Variants in POP5 observed in about 807,000 individuals in gnomAD.
The protein encoded by POP5 is POP5 ribonuclease P/MRP subunit.
In POP5, 18 loss-of-function variants were observed where a neutral mutation model predicts 20.7. The ratio of observed to expected loss-of-function variants is 0.87; its 90% CI spans 0.60 to 1.29. The LOEUF is 1.29. Ranked by LOEUF, POP5 falls within the 50% of genes most tolerant of loss-of-function variation. The pLI is 0.00. For missense variants in POP5, 200 were observed against 203.2 expected, an observed-to-expected ratio of 0.98 and a Z score of 0.10; for synonymous variants, 91 against 78.0, an observed-to-expected ratio of 1.17 and a Z score of -0.88.
Position 120,578,976 on chromosome 12 carries a change from TAG to T in POP5, c.*340_*341del. ...TCAGTCTTCCCACCAAGGCTAGGGA[TAG>T]AGAGAGAACAGAGACTTGGCCAAGC... On this transcript the variant is annotated 3_prime_UTR_variant, in exon 5 of 5. Transcript: ENST00000357500. 3.3e-6 allele frequency: 1 copy of T among 302,718 alleles called. No individual in the cohort carries two copies. Among genetic ancestry groups the T allele is most frequent in the Non-Finnish European group, 6.3e-6 (1 of 158,398 alleles). The allele number at this position is 302,718 out of a possible 1,614,324, so 18.8% of individuals were successfully genotyped here.
chr12:120,579,464 C>T (rs745630462), intron 4 of POP5, 50 bp downstream of exon 4: 5 of 1,607,082 alleles, frequency 3.1e-6, no homozygotes, highest in South Asian at 1.1e-5. Context: ...GTGATTTCTT[C>T]AGCTTAAGGT....
In POP5 at chr12:120,579,824, T is replaced by C. The variant is rs1285055600; in HGVS notation, c.263A>G (p.Glu88Gly). The change falls in exon 3 of 5, where the codon GAG (glutamate) becomes GGG (glycine). Residue 88 changes from glutamate to glycine, a missense_variant. Physicochemically the swap from Glu to Gly is moderately conservative, Grantham distance 98. Transcript: ENST00000357500. ...WSALPFITYL[E>G]NKGHRYPCFF... ...GCATGGGTAACGGTGTCCTTTGTTC[T>C]CCAAGTATGTGATGAAGGGAAGAGC... is the stretch of plus-strand genomic sequence containing the variant. 2 of 1,608,188 alleles carry C rather than the reference T, an allele frequency of 1.2e-6. No individual in the cohort carries two copies. Among genetic ancestry groups the C allele is most frequent in the Non-Finnish European group, 1.7e-6 (2 of 1,174,584 alleles).
chr12:120,581,143 G>C lies in POP5; in HGVS notation c.135C>G (p.Gly45=). 6.2e-7 allele frequency: 1 copy of C among 1,612,948 alleles called. No individual in the cohort carries two copies. The highest frequency in any genetic ancestry group is 8.5e-7 in the Non-Finnish European group (1 of 1,180,016). Residue 45 remains glycine (G), a synonymous_variant, in exon 2 of 5, where the codon GGC becomes GGG. Transcript: ENST00000357500. ...DTIARVHGTF[G]AAACSIGFAV... Reference sequence around the variant, plus strand: ...CGAAGCCGATGGAGCAGGCGGCTGCGCCGAAAGTTCCGTGCACCCTGGCGA... The same window carrying C: ...CGAAGCCGATGGAGCAGGCGGCTGCCCCGAAAGTTCCGTGCACCCTGGCGA...
chr12:120,581,114 CCCG>C lies in POP5; in HGVS notation c.161_163del (p.Ala54del). The stretch of plus-strand genomic sequence containing the variant: ...CCCCTCTTCCCCCAGCGCCCTTGCA[CCCG>C]CGAAGCCGATGGAGCAGGCGGCTGC... On this transcript the variant is annotated inframe_deletion and splice_region_variant, in exon 2 of 5. Transcript: ENST00000357500. The C allele has an allele frequency of 6.2e-7, 1 of 1,610,016 alleles. No individual in the cohort carries two copies. Among genetic ancestry groups the C allele is most frequent in the Non-Finnish European group, 8.5e-7 (1 of 1,179,794 alleles).
intron 4 of POP5, 27 bp downstream of exon 4, chr12:120,579,487 A>T (rs1877741182): frequency 1.2e-6 from 2 of 1,609,478 alleles, no homozygotes; most frequent in African/African-American, 1.3e-5. Context: ...GTCACTGCTC[A>T]GTGGGCACTG....
chr12:120,580,836 T>C (rs1438065716), intron 2 of POP5: 1 of 505,216 alleles, frequency 2.0e-6, no homozygotes, highest in Non-Finnish European at 3.5e-6. Flanking sequence ...CATTTAATTC[T>C]CTACCCTATC....
chr12:120,581,077 T>C (rs1295614771), intron 2 of POP5, 38 bp downstream of exon 2: 6 of 1,599,306 alleles, frequency 3.8e-6, no homozygotes, highest in Non-Finnish European at 5.1e-6. Flanking sequence ...CATCCCGCCA[T>C]CCTCCCGGGT....
chr12:120,579,313 G>A lies in POP5; in HGVS notation c.*5C>T. On this transcript the variant is annotated 3_prime_UTR_variant, in exon 5 of 5. Coordinates refer to ENST00000357500, the MANE Select transcript of POP5 (RefSeq NM_015918.4). ...AGTGTAGCCAGCTGTGTGGGGAGCA[G>A]AGGTTCACTCCATTGCTTCTGCAGC... 2 of 1,612,630 alleles carry A rather than the reference G, an allele frequency of 1.2e-6. No homozygotes were observed. Among genetic ancestry groups the A allele is most frequent in the Non-Finnish European group, 1.7e-6 (2 of 1,178,700 alleles).
intron 2 of POP5, 171 bp downstream of exon 2, chr12:120,580,932 CCTCCTTTTAGCG>C: frequency 1.1e-6 from 1 of 935,760 alleles, no homozygotes; most frequent in South Asian, 1.7e-5. Context: ...CCTTCGGGCC[CCTCCTTTTAGCG>C]CTCTGCTAAT....
chr12:120,580,208 C>G (rs1877791103), intron 2 of POP5: 3 of 304,342 alleles, frequency 9.9e-6, no homozygotes, highest in East Asian at 1.6e-4. Flanking sequence ...CGCTGCTGCA[C>G]TCCAGCAGCC....
At chr12:120,580,241 G>T in intron 2 of POP5, 1 of 248,524 alleles carries the variant, frequency 4.0e-6, no homozygotes, top group South Asian at 5.6e-5. Context: ...AGACTGTCTC[G>T]AAAAAAGGAA....
intron 2 of POP5, 106 bp downstream of exon 2, chr12:120,581,009 G>C (rs1877834412): frequency 6.7e-7 from 1 of 1,488,758 alleles, no homozygotes; most frequent in Non-Finnish European, 9.0e-7. Context: ...ACAAAAAACG[G>C]TGCACGGGCT....
At position 120,578,943 on chromosome 12, in the gene POP5, A is replaced by G. The variant is rs1877689678; in HGVS notation, c.*375T>C. ...AAAAAAAAAGTTTAACTAGTACCACATAGGGAGTCAGTCTTCCCACCAAGG... is the reference window on the plus strand; with the variant it reads ...AAAAAAAAAGTTTAACTAGTACCACGTAGGGAGTCAGTCTTCCCACCAAGG... On this transcript the variant is annotated 3_prime_UTR_variant, in exon 5 of 5. Transcript: ENST00000357500. 1.6e-5 allele frequency: 4 copies of G among 247,564 alleles called. No individual in the cohort carries two copies. Among genetic ancestry groups the G allele is most frequent in the Non-Finnish European group, 3.2e-5 (4 of 125,946 alleles). The allele number at this position is 247,564 out of a possible 1,614,324, so 15.3% of individuals were successfully genotyped here.
At position 120,579,615 on chromosome 12, in the gene POP5, G is replaced by C; in HGVS notation, c.314-18C>G. 1 of 1,602,166 alleles carries C rather than the reference G, an allele frequency of 6.2e-7. No homozygotes were observed. The highest frequency in any genetic ancestry group is 2.2e-5 in the East Asian group (1 of 44,820). ...TATTGTACCTGGCATATGAGTTACT[G>C]TGGTCAACAGCTTGTGAAAGATCTC... On this transcript the variant is annotated intron_variant, in intron 3 of 4. Transcript: ENST00000357500.
rs528519288 is a variant in POP5 at position 120,581,383 on chromosome 12, G to T, written c.-21C>A. The T allele has an allele frequency of 1.1e-5, 18 of 1,608,202 alleles. No homozygotes were observed. In the South Asian group the frequency reaches 1.7e-4, roughly 15 times the overall value. On this transcript the variant is annotated 5_prime_UTR_variant, in exon 1 of 5. Coordinates refer to ENST00000357500, the MANE Select transcript of POP5 (RefSeq NM_015918.4). ...ACCATGGCTGCCTCCGCGCTCTCCG[G>T]TCCGGCGTGCAAACCGGATGTGAAT...
rs140784734 is a variant in POP5 at position 120,579,530 on chromosome 12, C to G, written c.381G>C (p.Gln127His). ...YNRRQLLILLQNCTDEGEREA... is the reference protein window; with the variant it reads ...YNRRQLLILLHNCTDEGEREA... ...GTTGCTTACCTTCATCAGTGCAGTT[C>G]TGCAACAAGATCAACAGCTGTCTCC... The change falls in exon 4 of 5, where the codon CAG (glutamine) becomes CAC (histidine). Residue 127 changes from glutamine to histidine, a missense_variant. Gln to His is a conservative substitution (Grantham distance 24). Transcript: ENST00000357500. 1.5e-5 allele frequency: 25 copies of G among 1,614,064 alleles called. No individual in the cohort carries two copies. Among genetic ancestry groups the G allele is most frequent in the African/African-American group, 1.1e-4 (8 of 75,034 alleles).
chr12:120,581,143 G>T lies in POP5; in HGVS notation c.135C>A (p.Gly45=), dbSNP rs781476565. 1.2e-6 allele frequency: 2 copies of T among 1,612,948 alleles called. No homozygotes were observed. The highest frequency in any genetic ancestry group is 1.7e-6 in the Non-Finnish European group (2 of 1,180,016). ...DTIARVHGTF[G]AAACSIGFAV... is the part of the protein sequence containing the mutation. Reference sequence around the variant, plus strand: ...CGAAGCCGATGGAGCAGGCGGCTGCGCCGAAAGTTCCGTGCACCCTGGCGA... The same window carrying T: ...CGAAGCCGATGGAGCAGGCGGCTGCTCCGAAAGTTCCGTGCACCCTGGCGA... Residue 45 remains glycine, a synonymous_variant, in exon 2 of 5, where the codon GGC becomes GGA. Coordinates refer to ENST00000357500, the MANE Select transcript of POP5 (RefSeq NM_015918.4).
Position 120,581,204 on chromosome 12 carries a change from T to C in POP5, c.74A>G (p.Asp25Gly), listed in dbSNP as rs1384268744. ...SDDPRCRLSL[D>G]DRVLSSLVRD... is the part of the protein sequence containing the mutation. ...TACGAGGCTGCTCAGAACTCGGTCA[T>C]CGAGGCTTAGGCGGCAGCGGGGGTC... The change falls in exon 2 of 5, where the codon GAT (aspartate) becomes GGT (glycine). Residue 25 changes from aspartate (D) to glycine (G), a missense_variant. Asp to Gly is a moderately conservative substitution (Grantham distance 94). Coordinates refer to ENST00000357500, the MANE Select transcript of POP5 (RefSeq NM_015918.4). The C allele has an allele frequency of 6.2e-7, 1 of 1,614,124 alleles. No individual in the cohort carries two copies. The highest frequency in any genetic ancestry group is 2.2e-5 in the East Asian group (1 of 44,884).
At chr12:120,579,638 C>G (rs903468634) in intron 3 of POP5, 41 bp from the exon 4 acceptor site, 2 of 1,575,886 alleles carry the variant, frequency 1.3e-6, no homozygotes, top group Admixed American at 1.7e-5. Context: ...TGTGAAAGAT[C>G]TCGACCTTAC....
Sources: allele counts gnomAD v4.1 joint callset, GRCh38; gene constraint gnomAD v4.1.1; transcripts MANE v1.5; gene names NCBI Gene and HGNC (gene_info 2026-07-23, HGNC 2026-07-21).